Variants in DPYSL3 observed in about 807,000 individuals in gnomAD.
The protein encoded by DPYSL3 is dihydropyrimidinase like 3, also known as dihydropyrimidinase-related protein 3.
In DPYSL3, 16 loss-of-function variants were observed where a neutral mutation model predicts 66.1. The ratio of observed to expected loss-of-function variants is 0.24; its 90% CI spans 0.16 to 0.37. The LOEUF is 0.37. Ranked by LOEUF, DPYSL3 falls within the 10% of genes least tolerant of loss-of-function variation. The probability of loss-of-function intolerance (pLI) is 1.00; values close to 1 mark genes in which losing one functional copy is unlikely to be tolerated. For synonymous variants in DPYSL3, 338 were observed against 345.1 expected (o/e 0.98, Z 0.23); for missense variants, 738 against 916.2 (o/e 0.81, Z 2.51).
intron 1 of DPYSL3, among the ~76,000 whole-genome samples, chr5:147,441,043 G>C (rs1362392532): frequency 6.6e-6 from 1 of 152,196 alleles, no homozygotes; most frequent in Non-Finnish European, 1.5e-5. Context: ...AATTATGGTT[G>C]AAAATCAGTT....
At chr5:147,492,687 C>T (rs75073822) in intron 1 of DPYSL3, among the ~76,000 whole-genome samples, 7 of 151,828 alleles carry the variant, frequency 4.6e-5, no homozygotes, top group Admixed American at 1.3e-4. Context: ...AAATGATATG[C>T]TAAGAAAGAA....
At chr5:147,480,949 C>T (rs543396010) in intron 1 of DPYSL3, among the ~76,000 whole-genome samples, 2 of 152,000 alleles carry the variant, frequency 1.3e-5, no homozygotes, top group South Asian at 4.2e-4. Flanking sequence ...CTCAAATTCT[C>T]GACCTCAGGT....
At chr5:147,475,351 C>A (rs1285597707) in intron 1 of DPYSL3, among the ~76,000 whole-genome samples, 1 of 152,040 alleles carries the variant, frequency 6.6e-6, no homozygotes, top group Admixed American at 6.6e-5. Flanking sequence ...CAAGGGATCT[C>A]TGAACTATTT....
At chr5:147,440,453 T>C (rs1332635830) in intron 1 of DPYSL3, among the ~76,000 whole-genome samples, 1 of 152,358 alleles carries the variant, frequency 6.6e-6, no homozygotes, top group Non-Finnish European at 1.5e-5. Context: ...AGTCTCCTCA[T>C]GTTATAGATT....
At chr5:147,497,046 T>C (rs935190052) in intron 1 of DPYSL3, among the ~76,000 whole-genome samples, 13 of 152,152 alleles carry the variant, frequency 8.5e-5, no homozygotes, top group African/African-American at 3.1e-4. Flanking sequence ...GTGGCACATA[T>C]ACACCACGGA....
At chr5:147,469,662 T>A (rs1022041253) in intron 1 of DPYSL3, among the ~76,000 whole-genome samples, 1 of 152,204 alleles carries the variant, frequency 6.6e-6, no homozygotes, top group Non-Finnish European at 1.5e-5. Context: ...GATATATATA[T>A]TTTTTGCACA....
intron 1 of DPYSL3, among the ~76,000 whole-genome samples, chr5:147,450,109 T>C (rs1581200808): frequency 1.3e-5 from 2 of 152,248 alleles, no homozygotes; most frequent in Non-Finnish European, 1.5e-5. Context: ...TTAATTTCAG[T>C]TGGGTATGTA....
chr5:147,432,697 C>G (rs1259087158), intron 1 of DPYSL3, among the ~76,000 whole-genome samples: 1 of 152,200 alleles, frequency 6.6e-6, no homozygotes, highest in Non-Finnish European at 1.5e-5. Context: ...TAGCTCAAAC[C>G]TCAGTCATTT....
chr5:147,469,294 GC>G (rs1323703733), intron 1 of DPYSL3, among the ~76,000 whole-genome samples: 6 of 152,202 alleles, frequency 3.9e-5, no homozygotes, highest in Non-Finnish European at 8.8e-5. Flanking sequence ...GCCACTTGTT[GC>G]CCTGATAGGG....
intron 1 of DPYSL3, among the ~76,000 whole-genome samples, chr5:147,501,655 T>A (rs777716109): frequency 1.3e-5 from 2 of 151,976 alleles, no homozygotes; most frequent in Non-Finnish European, 2.9e-5. Flanking sequence ...ATATTTGTAT[T>A]TTTAGTAGAG....
chr5:147,504,979 A>T (rs1753663490), intron 1 of DPYSL3, among the ~76,000 whole-genome samples: 1 of 152,356 alleles, frequency 6.6e-6, no homozygotes, highest in East Asian at 1.9e-4. Context: ...ATGGAAAAGC[A>T]TCTTGAGAAA....
At chr5:147,467,286 T>TATGCTGA (rs1753024256) in intron 1 of DPYSL3, among the ~76,000 whole-genome samples, 1 of 152,204 alleles carries the variant, frequency 6.6e-6, no homozygotes, top group Non-Finnish European at 1.5e-5. Flanking sequence ...GCTGAGTGGA[T>TATGCTGA]ATGCTGACAC....
intron 5 of DPYSL3, among the ~76,000 whole-genome samples, chr5:147,412,981 T>C (rs1751887921): frequency 8.5e-5 from 13 of 152,176 alleles, no homozygotes; most frequent in Admixed American, 8.5e-4. Flanking sequence ...TTTAATGGAA[T>C]TATTTTCCCA....
chr5:147,491,754 A>G lies in DPYSL3; in HGVS notation c.381+17724T>C, dbSNP rs116400236. On this transcript the variant is annotated intron_variant, in intron 1 of 13. Transcript: ENST00000343218. ...TGCCAAAACTGAAATGCAGGGAGAAAAAAAAAAGACCAAAAAAAGACCAAA... is the reference window on the plus strand; with the variant it reads ...TGCCAAAACTGAAATGCAGGGAGAAGAAAAAAAGACCAAAAAAAGACCAAA... 1.9e-3 allele frequency among the ~76,000 whole-genome samples: 295 copies of G among 152,222 alleles called. 1 individual carries two copies. The highest frequency in any genetic ancestry group is 6.6e-3 in the African/African-American group (276 of 41,568).
Position 147,392,536 on chromosome 5 carries a change from G to T in DPYSL3, c.*1499C>A, listed in dbSNP as rs544437600. On this transcript the variant is annotated 3_prime_UTR_variant, in exon 14 of 14. Transcript: ENST00000343218. ...CCCAGAGCATGGAAGTCTGATCCCA[G>T]GTTGAACATATTTCTTCTGAAAATG... 6.6e-6 allele frequency: 1 copy of T among 152,330 alleles called. No individual in the cohort carries two copies. The highest frequency in any genetic ancestry group is 1.5e-5 in the Non-Finnish European group (1 of 68,036). 9.4% of individuals were successfully genotyped at this position (152,330 alleles called of 1,614,324 possible). A position where few individuals can be genotyped will look rare whatever the true frequency, so the allele number is the denominator to read the frequency against.
At chr5:147,487,805 C>G (rs1753358382) in intron 1 of DPYSL3, among the ~76,000 whole-genome samples, 1 of 152,188 alleles carries the variant, frequency 6.6e-6, no homozygotes, top group African/African-American at 2.4e-5. Context: ...AAACTCTTAG[C>G]TGACAGAATG....
chr5:147,505,481 C>G (rs1017005867), intron 1 of DPYSL3, among the ~76,000 whole-genome samples: 1 of 152,148 alleles, frequency 6.6e-6, no homozygotes, highest in African/African-American at 2.4e-5. Flanking sequence ...AGTGATCTGC[C>G]CAGCTTGGCT....
chr5:147,482,294 T>G (rs1341843996), intron 1 of DPYSL3, among the ~76,000 whole-genome samples: 1 of 152,234 alleles, frequency 6.6e-6, no homozygotes, highest in East Asian at 1.9e-4. Flanking sequence ...TCTATAGATT[T>G]GAGGAAATCA....
chr5:147,493,590 G>A (rs1159710686), intron 1 of DPYSL3, among the ~76,000 whole-genome samples: 1 of 151,216 alleles, frequency 6.6e-6, no homozygotes, highest in Non-Finnish European at 1.5e-5. Context: ...AAGAAAGAAA[G>A]GAAGGAAGAA....
Sources: gnomAD v4.1 joint callset for allele counts (sites outside exome capture counted in the v4.1 genomes callset) on GRCh38, gnomAD v4.1.1 for gene constraint, MANE v1.5 for transcripts, NCBI Gene and HGNC (gene_info 2026-07-23, HGNC 2026-07-21) for gene names.